RBM39: variants seen among roughly 807,000 people sequenced by gnomAD.
RBM39 encodes the protein RNA-binding protein 39.
Under a neutral mutation model 79.6 loss-of-function variants are expected in RBM39, and 12 were observed. That is an observed-to-expected ratio of 0.15 (90% CI 0.10 to 0.24). The LOEUF is 0.24. Ranked by LOEUF, RBM39 falls within the 10% of genes least tolerant of loss-of-function variation. The probability of loss-of-function intolerance (pLI) is 1.00; values close to 1 mark genes in which losing one functional copy is unlikely to be tolerated. For missense variants in RBM39, 243 were observed against 653.4 expected (o/e 0.37, Z 6.85); for synonymous variants, 185 against 208.4 (o/e 0.89, Z 0.97).
At chr20:35,734,306 G>C in intron 3 of RBM39, 2 of 1,072,322 alleles carry the variant, frequency 1.9e-6, no homozygotes, top group South Asian at 1.3e-5. Flanking sequence ...TATATGCTAG[G>C]TAGCACATGA....
At chr20:35,728,301 T>C (rs1325779333) in intron 6 of RBM39, among the ~76,000 whole-genome samples, 1 of 152,228 alleles carries the variant, frequency 6.6e-6, no homozygotes, top group Admixed American at 6.5e-5. Context: ...TTGATATAAC[T>C]GCTACGTTGC....
intron 6 of RBM39, among the ~76,000 whole-genome samples, chr20:35,728,562 A>G (rs1448545482): frequency 6.6e-6 from 1 of 152,108 alleles, no homozygotes. Flanking sequence ...GCAGATCATG[A>G]GCTCAGGAGT....
At chr20:35,716,707 A>C (rs1186618583) in intron 10 of RBM39, 33 bp downstream of exon 10, 23 of 1,335,724 alleles carry the variant, frequency 1.7e-5, no homozygotes, top group South Asian at 2.6e-5. Context: ...AAAAAAAAAA[A>C]CCCTAAGTAA....
chr20:35,717,564 A>G (rs2037305383), intron 9 of RBM39, among the ~76,000 whole-genome samples: 1 of 152,216 alleles, frequency 6.6e-6, no homozygotes, highest in Non-Finnish European at 1.5e-5. Context: ...GCAATATACA[A>G]TGAATTTGGC....
In RBM39 at chr20:35,724,558, C is replaced by T. The variant is rs746700256; in HGVS notation, c.687+12G>A. 3.1e-6 allele frequency: 5 copies of T among 1,612,642 alleles called. No homozygotes were observed. The African/African-American group carries it at 6.7e-5, about 22-fold the overall frequency. On this transcript the variant is annotated intron_variant, in intron 8 of 16. Coordinates refer to ENST00000253363, the MANE Select transcript of RBM39 (RefSeq NM_184234.3). ...CACCAATAATCAAACTCTTAACCAACAAAAAAATTACCTGTGATGCCTGTA... is the reference window on the plus strand; with the variant it reads ...CACCAATAATCAAACTCTTAACCAATAAAAAAATTACCTGTGATGCCTGTA...
At chr20:35,734,819 G>A in intron 3 of RBM39, 1 of 1,392,816 alleles carries the variant, frequency 7.2e-7, no homozygotes, top group South Asian at 1.8e-5. Context: ...TATATTTCCA[G>A]CTTCAAAGAG....
intron 8 of RBM39, among the ~76,000 whole-genome samples, chr20:35,723,287 A>G (rs2146615389): frequency 6.6e-6 from 1 of 152,124 alleles, no homozygotes; most frequent in South Asian, 2.1e-4. Context: ...CTTCTCTTGT[A>G]ACAAACTAGA....
chr20:35,731,116 T>C (rs190980413), intron 4 of RBM39, among the ~76,000 whole-genome samples: 19 of 152,328 alleles, frequency 1.2e-4, no homozygotes, highest in East Asian at 1.2e-3. Flanking sequence ...TCGGGTCTGT[T>C]TGTCTTTGAA....
At chr20:35,706,149 G>A (rs2035703557) in intron 14 of RBM39, among the ~76,000 whole-genome samples, 1 of 152,136 alleles carries the variant, frequency 6.6e-6, no homozygotes, top group South Asian at 2.1e-4. Flanking sequence ...GACCAGCCTG[G>A]CCAACACGGC....
chr20:35,715,132 T>A (rs985975315), intron 10 of RBM39, among the ~76,000 whole-genome samples: 1 of 152,192 alleles, frequency 6.6e-6, no homozygotes, highest in Non-Finnish European at 1.5e-5. Context: ...GATAGAGATA[T>A]ACAGTGTACT....
chr20:35,723,431 T>C (rs1027231962), intron 8 of RBM39, among the ~76,000 whole-genome samples: 2 of 152,162 alleles, frequency 1.3e-5, no homozygotes, highest in South Asian at 4.1e-4. Context: ...TAGGAAATAA[T>C]TTGAGTAACT....
intron 2 of RBM39, chr20:35,739,643 T>A: frequency 2.4e-6 from 1 of 424,948 alleles, no homozygotes; most frequent in Non-Finnish European, 5.0e-6. Flanking sequence ...CCTAAACATT[T>A]CCTACTTCCA....
rs186566396 is a variant in RBM39, at chr20:35,711,689, T to C, written c.1174+1330A>G. ...GAAGGCAAAACAGTGAAAAAATAAA[T>C]GTAAAAACAAAAGTCGTCTTCTACT... On this transcript the variant is annotated intron_variant, in intron 12 of 16. Coordinates refer to ENST00000253363, the MANE Select transcript of RBM39 (RefSeq NM_184234.3). 2.6e-5 allele frequency among the ~76,000 whole-genome samples: 4 copies of C among 152,258 alleles called. No homozygotes were observed. The East Asian group carries it at 5.8e-4, about 22-fold the overall frequency.
rs1226200056 is a variant in RBM39, at chr20:35,702,827, G to A, written c.*1654C>T. The A allele has an allele frequency of 6.6e-6, 1 of 152,182 alleles. No individual in the cohort carries two copies. Among genetic ancestry groups the A allele is most frequent in the East Asian group, 1.9e-4 (1 of 5,204 alleles). 9.4% of individuals were successfully genotyped at this position (152,182 alleles called of 1,614,324 possible). A position where few individuals can be genotyped will look rare whatever the true frequency, so the allele number is the denominator to read the frequency against. On this transcript the variant is annotated 3_prime_UTR_variant, in exon 17 of 17. Transcript: ENST00000253363. ...CCCAGCTCTTCAGGAGACTGAGGTG[G>A]GAGAATTGCTTGAACCTGGGAGATG...
chr20:35,704,795 G>A (rs1168948694), intron 15 of RBM39, 49 bp from the exon 16 acceptor site: 2 of 1,526,552 alleles, frequency 1.3e-6, no homozygotes, highest in East Asian at 2.3e-5. Context: ...TATGCAAAAT[G>A]GACCCAAGTT....
chr20:35,705,922 C>A (rs2146477337), intron 14 of RBM39, among the ~76,000 whole-genome samples: 1 of 152,176 alleles, frequency 6.6e-6, no homozygotes, highest in South Asian at 2.1e-4. Context: ...GTTAAATGGG[C>A]CAGGCGCAGC....
intron 9 of RBM39, among the ~76,000 whole-genome samples, chr20:35,718,809 A>ATC (rs1287155957): frequency 1.6e-5 from 2 of 124,716 alleles, no homozygotes; most frequent in Admixed American, 8.5e-5. Flanking sequence ...GCAATACTCC[A>ATC]TCTCAAAAAA....
chr20:35,718,037 T>C (rs2037384130), intron 9 of RBM39, among the ~76,000 whole-genome samples: 1 of 152,020 alleles, frequency 6.6e-6, no homozygotes, highest in Non-Finnish European at 1.5e-5. Flanking sequence ...TTTTTTGTAT[T>C]TTTAGTATAG....
chr20:35,736,532 A>G (rs1327249292), intron 3 of RBM39: 2 of 470,082 alleles, frequency 4.3e-6, no homozygotes. Context: ...TTGTAGTGAG[A>G]AAGACTGACA....
Sources: gnomAD v4.1 joint callset for allele counts (sites outside exome capture counted in the v4.1 genomes callset) on GRCh38, gnomAD v4.1.1 for gene constraint, MANE v1.5 for transcripts, NCBI Gene and HGNC (gene_info 2026-07-23, HGNC 2026-07-21) for gene names.